The following PHF3 variants were observed in gnomAD, a reference collection of about 807,000 sequenced individuals.
PHF3 encodes PHD finger protein 3.
Under a neutral mutation model 178.4 loss-of-function variants are expected in PHF3, and 41 were observed. That is an observed-to-expected ratio of 0.23 (90% CI 0.18 to 0.30). PHF3 has a LOEUF of 0.30. PHF3 is among the 10% of genes least tolerant of loss of function. The pLI, the probability that PHF3 is intolerant of heterozygous loss-of-function variation, is 1.00. For synonymous variants in PHF3, 842 were observed against 800.5 expected, an observed-to-expected ratio of 1.05 and a Z score of -0.88; for missense variants, 2,346 against 2,398.1, an observed-to-expected ratio of 0.98 and a Z score of 0.45.
rs1768120717 is a variant in PHF3, at chr6:63,714,626, T to C, written c.*918T>C. On this transcript the variant is annotated 3_prime_UTR_variant, in exon 16 of 16. Transcript: ENST00000262043. Reference sequence around the variant, plus strand: ...TTTTTTAAAATCTTAAATTGTAGGCTGAGATGAATTGTGTAGTTCTAAAGA... The same window carrying C: ...TTTTTTAAAATCTTAAATTGTAGGCCGAGATGAATTGTGTAGTTCTAAAGA... 1 of 152,318 alleles carries C rather than the reference T, an allele frequency of 6.6e-6. No individual in the cohort carries two copies. Among genetic ancestry groups the C allele is most frequent in the Admixed American group, 6.6e-5 (1 of 15,254 alleles). The allele number at this position is 152,318 out of a possible 1,614,324, so 9.4% of individuals were successfully genotyped here. A position where few individuals can be genotyped will look rare whatever the true frequency, so the allele number is the denominator to read the frequency against.
At chr6:63,648,049 G>T (rs1314835855) in intron 2 of PHF3, among the ~76,000 whole-genome samples, 1 of 152,060 alleles carries the variant, frequency 6.6e-6, no homozygotes, top group Non-Finnish European at 1.5e-5. Flanking sequence ...CCTTAAGTTT[G>T]CCAGGTTACT....
chr6:63,647,153 C>G (rs565248583), intron 2 of PHF3, among the ~76,000 whole-genome samples: 40 of 151,950 alleles, frequency 2.6e-4, no homozygotes, highest in African/African-American at 9.2e-4. Context: ...TAGGGATTGC[C>G]CGGCAAATTG....
Position 63,712,033 on chromosome 6 carries a change from A to G in PHF3, c.4445A>G (p.Asp1482Gly). The change falls in exon 16 of 16, where the codon GAC becomes GGC. Residue 1482 changes from aspartate to glycine, a missense_variant. Around this residue, in one of 8 missense-constraint regions of PHF3, gnomAD observed 839 missense variants for 806.9 expected, o/e 1.04. Coordinates refer to ENST00000262043, the MANE Select transcript of PHF3 (RefSeq NM_001370348.2). ...TTGGGCACCACTGGTCAAGTATATG[A>G]CCAGGCCCAGTCAGTGATGGAACAA... ...SLLGTTGQVY[D>G]QAQSVMEQNT... is the part of the protein sequence containing the mutation. 1.9e-6 allele frequency: 3 copies of G among 1,613,832 alleles called. No homozygotes were observed. The highest frequency in any genetic ancestry group is 1.7e-4 in the Middle Eastern group (1 of 6,058).
In PHF3 at chr6:63,675,953, C is replaced by G. The variant is rs141858968; in HGVS notation, c.245-4047C>G. On this transcript the variant is annotated intron_variant, in intron 2 of 15. Transcript: ENST00000262043. ...AACTAGTGGATTTCTCTCCTTTATTCGTTCTTTGTGTAGCAGTTAACCTTC... is the reference window on the plus strand; with the variant it reads ...AACTAGTGGATTTCTCTCCTTTATTGGTTCTTTGTGTAGCAGTTAACCTTC... Among the ~76,000 whole-genome samples, 304 of 152,290 alleles carry G rather than the reference C, an allele frequency of 2.0e-3. 3 individuals are homozygous for G. The highest frequency in any genetic ancestry group is 5.4e-3 in the Admixed American group (82 of 15,292).
At chr6:63,661,261 G>A (rs929175593) in intron 2 of PHF3, among the ~76,000 whole-genome samples, 12 of 152,292 alleles carry the variant, frequency 7.9e-5, no homozygotes, top group Non-Finnish European at 1.5e-4. Flanking sequence ...CACTAGAATA[G>A]TAGGCATTTA....
intron 5 of PHF3, among the ~76,000 whole-genome samples, chr6:63,692,575 C>T (rs995507751): frequency 2.0e-5 from 3 of 151,994 alleles, no homozygotes; most frequent in African/African-American, 4.8e-5. Context: ...CTTTTTTAGT[C>T]GTTAATTTGT....
intron 1 of PHF3, among the ~76,000 whole-genome samples, chr6:63,640,306 G>C (rs1764518363): frequency 6.6e-6 from 1 of 152,160 alleles, no homozygotes; most frequent in African/African-American, 2.4e-5. Flanking sequence ...TTCATCTTTA[G>C]TGTTGTTATA....
At chr6:63,648,688 T>C (rs1764891016) in intron 2 of PHF3, among the ~76,000 whole-genome samples, 1 of 152,316 alleles carries the variant, frequency 6.6e-6, no homozygotes, top group Non-Finnish European at 1.5e-5. Context: ...TTATTATTCG[T>C]TTGTGATTCT....
chr6:63,688,468 T>C (rs1012518659), intron 4 of PHF3, among the ~76,000 whole-genome samples: 14 of 149,394 alleles, frequency 9.4e-5, no homozygotes, highest in African/African-American at 3.5e-4. Flanking sequence ...CCCAAGTAGC[T>C]GGGATTACGG....
rs1234555592 is a variant in PHF3 at position 63,718,014 on chromosome 6, G to T, written c.*4306G>T. ...TCGTACTGGAAAAGCATTTCACATA[G>T]GAAATCGTCAACACCATTATCACCA... On this transcript the variant is annotated 3_prime_UTR_variant, in exon 16 of 16. Transcript: ENST00000262043. Among the ~76,000 whole-genome samples, 1 of 151,916 alleles carries T rather than the reference G, an allele frequency of 6.6e-6. No homozygotes were observed. Among genetic ancestry groups the T allele is most frequent in the Admixed American group, 6.6e-5 (1 of 15,198 alleles).
chr6:63,700,530 A>T, intron 9 of PHF3, 64 bp downstream of exon 9: 1 of 856,090 alleles, frequency 1.2e-6, no homozygotes, highest in South Asian at 1.5e-5. Flanking sequence ...ATTGGGTAAA[A>T]ATTATACAGA....
rs1767517168 is a variant in PHF3, at chr6:63,702,510, C to T, written c.3102C>T (p.Thr1034=). The change falls in exon 10 of 16, where the codon ACC becomes ACT. Residue 1034 remains threonine, a splice_region_variant and synonymous_variant. Transcript: ENST00000262043. ...TTTAAAAAAGTATTTTCTGTTAGAC[C>T]ATAGAAATGATTGAGAAAGAGCAGA... The part of the protein sequence containing the change: ...AAWRRRENRH[T]IEMIEKEQRE... The T allele has an allele frequency of 3.1e-6, 5 of 1,598,844 alleles. No homozygotes were observed. The highest frequency in any genetic ancestry group is 4.3e-6 in the Non-Finnish European group (5 of 1,169,776).
At chr6:63,641,296 C>G (rs1003471897) in intron 1 of PHF3, among the ~76,000 whole-genome samples, 2 of 152,128 alleles carry the variant, frequency 1.3e-5, no homozygotes, top group Non-Finnish European at 2.9e-5. Context: ...CGCTGTGAGG[C>G]CTTCACTTAC....
intron 5 of PHF3, among the ~76,000 whole-genome samples, chr6:63,693,840 T>A (rs1468455654): frequency 6.6e-6 from 1 of 152,220 alleles, no homozygotes; most frequent in Admixed American, 6.5e-5. Flanking sequence ...GATTTTTATG[T>A]TGAACTATTT....
chr6:63,663,647 C>A (rs1444518214), intron 2 of PHF3, among the ~76,000 whole-genome samples: 2 of 151,984 alleles, frequency 1.3e-5, no homozygotes, highest in African/African-American at 2.4e-5. Context: ...GAATTTTTGG[C>A]CTTGGTTTTA....
At chr6:63,662,987 T>A (rs945905428) in intron 2 of PHF3, among the ~76,000 whole-genome samples, 7 of 152,140 alleles carry the variant, frequency 4.6e-5, no homozygotes, top group Non-Finnish European at 1.0e-4. Flanking sequence ...TTAAGTTGAG[T>A]GGACAACAGC....
Position 63,668,739 on chromosome 6 carries a change from A to G in PHF3, c.245-11261A>G, listed in dbSNP as rs372030885. ...GATGCTCAAATTTTTTTTTAACCCAATCACCTCACAATGTAGTCAGTGAGA... is the reference window on the plus strand; with the variant it reads ...GATGCTCAAATTTTTTTTTAACCCAGTCACCTCACAATGTAGTCAGTGAGA... On this transcript the variant is annotated intron_variant, in intron 2 of 15. Transcript: ENST00000262043. Among the ~76,000 whole-genome samples, 21 of 152,258 alleles carry G rather than the reference A, an allele frequency of 1.4e-4. No individual in the cohort carries two copies. The East Asian group carries it at 2.1e-3, about 15-fold the overall frequency.
At chr6:63,706,899 T>C (rs1359185198) in intron 13 of PHF3, 23 bp downstream of exon 13, 3 of 1,607,844 alleles carry the variant, frequency 1.9e-6, no homozygotes, top group Admixed American at 1.7e-5. Context: ...TTTCTGCTTT[T>C]CTGTGCATGA....
intron 11 of PHF3, among the ~76,000 whole-genome samples, chr6:63,704,393 A>G (rs1561980039): frequency 1.3e-5 from 2 of 151,824 alleles, no homozygotes; most frequent in East Asian, 1.9e-4. Flanking sequence ...TACTCTGTCT[A>G]TTCATCCCTT....
Sources: gnomAD v4.1 joint callset for allele counts (sites outside exome capture counted in the v4.1 genomes callset) on GRCh38, gnomAD v4.1.1 for gene constraint, gnomAD v4.1.1 regional missense constraint, MANE v1.5 for transcripts, NCBI Gene and HGNC (gene_info 2026-07-23, HGNC 2026-07-21) for gene names.